Variants in SPAG17 observed in about 807,000 individuals in gnomAD.
SPAG17 encodes sperm-associated antigen 17.
Under a neutral mutation model 273.6 loss-of-function variants are expected in SPAG17, and 169 were observed. The observed-to-expected ratio is 0.62, with a 90% CI of 0.55 to 0.70. SPAG17 has a LOEUF of 0.70. SPAG17 is among the 30% of genes least tolerant of loss of function. SPAG17 has a pLI of 0.00. For missense variants in SPAG17, 2,557 were observed against 2,627.8 expected (o/e 0.97, Z 0.59); for synonymous variants, 825 against 873.2 (o/e 0.94, Z 0.97).
At chr1:118,037,963 G>T (rs1169877555) in intron 23 of SPAG17, among the ~76,000 whole-genome samples, 1 of 152,064 alleles carries the variant, frequency 6.6e-6, no homozygotes, top group Non-Finnish European at 1.5e-5. Flanking sequence ...ATGAACCATG[G>T]AACAAAAGGT....
chr1:118,109,411 G>C (rs1314347925), intron 4 of SPAG17, among the ~76,000 whole-genome samples: 5 of 150,310 alleles, frequency 3.3e-5, no homozygotes, highest in Non-Finnish European at 7.4e-5. Flanking sequence ...AAATTAGCCG[G>C]GTGTTGTGGC....
At chr1:118,165,887 C>G (rs952997705) in intron 1 of SPAG17, among the ~76,000 whole-genome samples, 4 of 152,104 alleles carry the variant, frequency 2.6e-5, no homozygotes, top group Non-Finnish European at 5.9e-5. Flanking sequence ...TCCTGATCCA[C>G]CCGCCTCGGC....
chr1:118,092,790 A>C (rs1655465752), intron 8 of SPAG17, among the ~76,000 whole-genome samples: 2 of 152,214 alleles, frequency 1.3e-5, no homozygotes, highest in Non-Finnish European at 2.9e-5. Flanking sequence ...TCCTCTTTAA[A>C]AGTTAACCTC....
At chr1:118,140,440 ACAC>A (rs1361856525) in intron 3 of SPAG17, among the ~76,000 whole-genome samples, 3 of 152,212 alleles carry the variant, frequency 2.0e-5, no homozygotes, top group Non-Finnish European at 4.4e-5. Flanking sequence ...ATAAATTATA[ACAC>A]CACTTTTTAC....
intron 3 of SPAG17, 151 bp from the exon 4 acceptor site, chr1:118,115,592 A>T: frequency 5.8e-6 from 4 of 686,406 alleles, no homozygotes; most frequent in Non-Finnish European, 6.9e-6. Flanking sequence ...TAGGGAAAAA[A>T]ATGCCTCAAT....
chr1:118,173,890 A>T (rs1449078387), intron 1 of SPAG17, among the ~76,000 whole-genome samples: 1 of 150,944 alleles, frequency 6.6e-6, no homozygotes, highest in Non-Finnish European at 1.5e-5. Flanking sequence ...ACACACACAG[A>T]GCCAGGAAGA....
intron 1 of SPAG17, among the ~76,000 whole-genome samples, chr1:118,159,412 C>T (rs1659803758): frequency 1.3e-5 from 2 of 152,164 alleles, no homozygotes; most frequent in South Asian, 2.1e-4. Context: ...ATCTTTGTGA[C>T]TCAGTTTCTC....
chr1:117,970,630 G>C (rs774134088), intron 45 of SPAG17, among the ~76,000 whole-genome samples: 5 of 152,242 alleles, frequency 3.3e-5, no homozygotes, highest in Non-Finnish European at 7.4e-5. Flanking sequence ...GGTGCTTATT[G>C]ATCTCTCTCC....
chr1:117,964,104 G>T, intron 47 of SPAG17, 166 bp from the exon 48 acceptor site: 1 of 641,066 alleles, frequency 1.6e-6, no homozygotes, highest in Non-Finnish European at 2.6e-6. Flanking sequence ...GGGGGTTAGA[G>T]GATGGATATG....
chr1:118,030,334 T>C (rs1267098782), intron 25 of SPAG17, among the ~76,000 whole-genome samples: 2 of 152,164 alleles, frequency 1.3e-5, no homozygotes, highest in African/African-American at 4.8e-5. Context: ...TACACTGTAC[T>C]TTTTTAGTAG....
rs1012350566 is a variant in SPAG17 at position 118,151,148 on chromosome 1, G to A, written c.228+81C>T. On this transcript the variant is annotated intron_variant, in intron 2 of 48. Transcript: ENST00000336338. ...AATTTACAAAACAGCCCAAGAATATGATAGTTTATTTTATAATTCTATTCT... is the reference window on the plus strand; with the variant it reads ...AATTTACAAAACAGCCCAAGAATATAATAGTTTATTTTATAATTCTATTCT... 8 of 1,186,440 alleles carry A rather than the reference G, an allele frequency of 6.7e-6. No individual in the cohort carries two copies. The South Asian group carries it at 1.6e-4, about 24-fold the overall frequency. The allele number at this position is 1,186,440 out of a possible 1,614,324, so 73.5% of individuals were successfully genotyped here.
intron 34 of SPAG17, 89 bp downstream of exon 34, chr1:117,996,281 G>A (rs1263664063): frequency 1.4e-6 from 2 of 1,427,086 alleles, no homozygotes; most frequent in Non-Finnish European, 1.9e-6. Context: ...AGCGGAAAAA[G>A]TAAGATGACA....
intron 17 of SPAG17, 126 bp downstream of exon 17, chr1:118,073,728 G>C (rs1432976107): frequency 3.5e-6 from 2 of 577,228 alleles, no homozygotes; most frequent in Non-Finnish European, 6.0e-6. Flanking sequence ...TTTTATAGCT[G>C]AAGTAAAGGA....
chr1:118,136,083 TG>T (rs1281007157), intron 3 of SPAG17, among the ~76,000 whole-genome samples: 1 of 152,180 alleles, frequency 6.6e-6, no homozygotes, highest in Non-Finnish European at 1.5e-5. Context: ...AGGTTGTTGG[TG>T]GGATCAAAAT....
At chr1:118,088,129 A>G (rs928877201) in intron 10 of SPAG17, among the ~76,000 whole-genome samples, 3 of 152,156 alleles carry the variant, frequency 2.0e-5, no homozygotes, top group African/African-American at 7.2e-5. Context: ...TTCAATCATA[A>G]AAGATCACTC....
At chr1:118,120,350 C>T (rs1657351540) in intron 3 of SPAG17, among the ~76,000 whole-genome samples, 1 of 151,916 alleles carries the variant, frequency 6.6e-6, no homozygotes, top group South Asian at 2.1e-4. Context: ...TAAATAGCCA[C>T]AAGTGGCTAG....
chr1:118,091,867 G>C, intron 9 of SPAG17, 63 bp downstream of exon 9: 2 of 1,527,686 alleles, frequency 1.3e-6, no homozygotes, highest in Non-Finnish European at 1.8e-6. Flanking sequence ...ATGGAGGGCA[G>C]TCATTATCTC....
chr1:118,106,666 C>T (rs887023168), intron 4 of SPAG17, among the ~76,000 whole-genome samples: 8 of 152,224 alleles, frequency 5.3e-5, no homozygotes, highest in African/African-American at 1.9e-4. Flanking sequence ...AATAAAATCT[C>T]AGGGTGATCT....
chr1:118,091,511 T>G, intron 10 of SPAG17, 95 bp downstream of exon 10: 1 of 676,386 alleles, frequency 1.5e-6, no homozygotes, highest in East Asian at 2.7e-5. Context: ...ACTTAGGTAT[T>G]ATGAGTATAA....
Sources: allele counts gnomAD v4.1 joint callset (sites outside exome capture counted in the v4.1 genomes callset), GRCh38; gene constraint gnomAD v4.1.1; transcripts MANE v1.5; gene names NCBI Gene and HGNC (gene_info 2026-07-23, HGNC 2026-07-21).